ACBD5: variants seen among roughly 807,000 people sequenced by gnomAD.
The protein encoded by ACBD5 is acyl-CoA binding domain containing 5, also known as acyl-CoA-binding domain-containing protein 5.
Under a neutral mutation model 71.8 loss-of-function variants are expected in ACBD5, and 40 were observed. That is an observed-to-expected ratio of 0.56 (90% confidence interval 0.43 to 0.72). The LOEUF is 0.72. ACBD5 is among the 30% of genes least tolerant of loss of function. The pLI is 0.00. For missense variants in ACBD5, 559 were observed against 644.5 expected (o/e 0.87, Z 1.44); for synonymous variants, 229 against 218.6 (o/e 1.05, Z -0.42).
At chr10:27,204,300 G>A (rs1386822147) in intron 12 of ACBD5, 140 bp downstream of exon 12, 2 of 677,368 alleles carry the variant, frequency 3.0e-6, no homozygotes, top group African/African-American at 1.8e-5. Flanking sequence ...GGCAGTTTCA[G>A]TCTCAGGATA....
rs754671748 is a variant in ACBD5 at position 27,195,927 on chromosome 10, G to A, written c.*1503C>T. The A allele has an allele frequency of 4.4e-6, 2 of 452,634 alleles. No homozygotes were observed. Among genetic ancestry groups the A allele is most frequent in the South Asian group, 3.1e-5 (2 of 64,086 alleles). 28.0% of individuals were successfully genotyped at this position (452,634 alleles called of 1,614,324 possible). On this transcript the variant is annotated 3_prime_UTR_variant, in exon 13 of 13. Transcript: ENST00000396271. Reference sequence around the variant, plus strand: ...TTAAAAATTATTTGCTACAGGCCAGGTGCAGTGGCTCACGCCTCTAATCCC... The same window carrying A: ...TTAAAAATTATTTGCTACAGGCCAGATGCAGTGGCTCACGCCTCTAATCCC...
rs1385830415 is a variant in ACBD5, at chr10:27,208,363, G to C, written c.1287C>G (p.Asp429Glu). ...CATTGAGGCTGCCTCGGGACCCTCT[G>C]TCGGAGCCCCAGCGCTCCCCATCAC... The part of the protein sequence containing the change: ...SGGDGERWGS[D>E]RGSRGSLNEQ... The change falls in exon 10 of 13, where the codon GAC becomes GAG. Residue 429 changes from aspartate to glutamate, a missense_variant. Physicochemically the swap from Asp to Glu is conservative, Grantham distance 45. Coordinates refer to ENST00000396271, the MANE Select transcript of ACBD5 (RefSeq NM_145698.5). 3.7e-6 allele frequency: 6 copies of C among 1,614,074 alleles called. No homozygotes were observed. Among genetic ancestry groups the C allele is most frequent in the Non-Finnish European group, 5.1e-6 (6 of 1,180,034 alleles).
rs1219958398 is a variant in ACBD5 at position 27,196,703 on chromosome 10, T to A, written c.*727A>T. On this transcript the variant is annotated 3_prime_UTR_variant, in exon 13 of 13. Transcript: ENST00000396271. The stretch of plus-strand genomic sequence containing the variant: ...TATGATTGAATAAAAACCTGATTAA[T>A]CATCTACAGGCTCAGAATACACTTT... The A allele has an allele frequency of 2.2e-6, 1 of 454,530 alleles. No individual in the cohort carries two copies. The highest frequency in any genetic ancestry group is 6.9e-5 in the East Asian group (1 of 14,400). The allele number at this position is 454,530 out of a possible 1,614,324, so 28.2% of individuals were successfully genotyped here. A position where few individuals can be genotyped will look rare whatever the true frequency, so the allele number is the denominator to read the frequency against.
rs1351699591 is a variant in ACBD5 at position 27,240,304 on chromosome 10, G to A, written c.181+15C>T. 6.8e-6 allele frequency: 11 copies of A among 1,613,888 alleles called. No individual in the cohort carries two copies. Among genetic ancestry groups the A allele is most frequent in the East Asian group, 2.2e-5 (1 of 44,872 alleles). ...TCTGCAGGAGGCGTCTACAGCCGGGGCCCAGCGCACGTACCATTCTTCGGC... is the reference window on the plus strand; with the variant it reads ...TCTGCAGGAGGCGTCTACAGCCGGGACCCAGCGCACGTACCATTCTTCGGC... On this transcript the variant is annotated intron_variant, in intron 2 of 12. Transcript: ENST00000396271. This position sits in a 1 kb window ranked among gnomAD's most constrained non-coding sequence, Gnocchi z 4.1.
At chr10:27,207,133 G>A (rs959860977) in intron 10 of ACBD5, among the ~76,000 whole-genome samples, 4 of 151,790 alleles carry the variant, frequency 2.6e-5, no homozygotes, top group Non-Finnish European at 4.4e-5. Flanking sequence ...AAAATTAGCT[G>A]GGCATGGTGG....
Position 27,196,058 on chromosome 10 carries a change from C to T in ACBD5, c.*1372G>A, listed in dbSNP as rs924705251. 2.6e-5 allele frequency: 11 copies of T among 417,620 alleles called. No individual in the cohort carries two copies. Among genetic ancestry groups the T allele is most frequent in the African/African-American group, 2.3e-4 (11 of 48,068 alleles). The allele number at this position is 417,620 out of a possible 1,614,324, so 25.9% of individuals were successfully genotyped here. Reference sequence around the variant, plus strand: ...TCTCTACTAAAAATACAAAATTAGCCAGGCATGGTGGTGCATGCCTGTAAT... The same window carrying T: ...TCTCTACTAAAAATACAAAATTAGCTAGGCATGGTGGTGCATGCCTGTAAT... On this transcript the variant is annotated 3_prime_UTR_variant, in exon 13 of 13. Transcript: ENST00000396271.
chr10:27,187,177 G>A (rs1745915390), intron 13 of ACBD5, among the ~76,000 whole-genome samples: 1 of 152,144 alleles, frequency 6.6e-6, no homozygotes, highest in African/African-American at 2.4e-5. Context: ...GTGGGCGCCT[G>A]TAGTCCCAGC....
At chr10:27,241,138 C>T (rs2065453883), upstream of ACBD5, among the ~76,000 whole-genome samples, 1 of 152,216 alleles carries the variant, frequency 6.6e-6, no homozygotes, top group Non-Finnish European at 1.5e-5. Context: ...GCGACGGCAC[C>T]GCTGGGCAAC....
At chr10:27,224,756 C>G (rs550276966) in intron 4 of ACBD5, among the ~76,000 whole-genome samples, 2 of 152,250 alleles carry the variant, frequency 1.3e-5, no homozygotes, top group African/African-American at 4.8e-5. Flanking sequence ...AGGGGCCGGG[C>G]GTGGTGGCTC....
rs141375056 is a variant in ACBD5, at chr10:27,229,963, G to A, written c.375+1785C>T. 2.8e-3 allele frequency among the ~76,000 whole-genome samples: 421 copies of A among 152,100 alleles called. 7 individuals are homozygous for A. The highest frequency in any genetic ancestry group is 0.018 in the Admixed American group (270 of 15,254). ...AAGGCAGAATACACATTGCCTCATC[G>A]TCCTCCAACTTTAAAATGTGGCTAT... On this transcript the variant is annotated intron_variant, in intron 4 of 12. Transcript: ENST00000396271.
At chr10:27,240,958 C>G (rs1180977454), upstream of ACBD5, 3 of 590,312 alleles carry the variant, frequency 5.1e-6, no homozygotes, top group Admixed American at 9.0e-5. The surrounding 1 kb of genome is among the most constrained non-coding windows in gnomAD (Gnocchi z 4.1). Flanking sequence ...GTCCGGGAAG[C>G]GGGGAAAGGG....
downstream of ACBD5, among the ~76,000 whole-genome samples, chr10:27,191,930 A>G (rs1347978478): frequency 6.6e-6 from 1 of 152,076 alleles, no homozygotes; most frequent in African/African-American, 2.4e-5. Context: ...TAACCTAACA[A>G]CGCATCTTAA....
chr10:27,190,891 C>T (rs1424791021), downstream of ACBD5, among the ~76,000 whole-genome samples: 1 of 152,172 alleles, frequency 6.6e-6, no homozygotes, highest in Non-Finnish European at 1.5e-5. Context: ...TGACACCTAA[C>T]TTCTGGCTTG....
intron 12 of ACBD5, among the ~76,000 whole-genome samples, chr10:27,200,262 C>T (rs986980788): frequency 4.6e-5 from 7 of 152,106 alleles, no homozygotes; most frequent in African/African-American, 1.7e-4. Flanking sequence ...TGAGAGTGAC[C>T]TCTGGTCGTC....
intron 4 of ACBD5, among the ~76,000 whole-genome samples, chr10:27,223,772 C>T (rs926140125): frequency 6.6e-6 from 1 of 151,774 alleles, no homozygotes; most frequent in South Asian, 2.1e-4. Context: ...TAACCAGGCA[C>T]GGTGGTGTGT....
chr10:27,216,098 T>G (rs1338256132), intron 7 of ACBD5, among the ~76,000 whole-genome samples: 1 of 151,958 alleles, frequency 6.6e-6, no homozygotes, highest in Non-Finnish European at 1.5e-5. Context: ...GGTCTCAAAC[T>G]CCTGAGCTCA....
At chr10:27,223,692 G>C (rs2062650036) in intron 4 of ACBD5, among the ~76,000 whole-genome samples, 1 of 152,140 alleles carries the variant, frequency 6.6e-6, no homozygotes, top group Non-Finnish European at 1.5e-5. Flanking sequence ...GATGGCTTGA[G>C]CCCAGAAGTT....
At chr10:27,233,198 G>A (rs373258364) in intron 3 of ACBD5, among the ~76,000 whole-genome samples, 1 of 152,098 alleles carries the variant, frequency 6.6e-6, no homozygotes, top group South Asian at 2.1e-4. Context: ...AGGCCATGGC[G>A]GGCGGATCAC....
At position 27,240,268 on chromosome 10, in the gene ACBD5, C is replaced by T. The variant is rs1158866686; in HGVS notation, c.181+51G>A. The T allele has an allele frequency of 6.2e-7, 1 of 1,613,762 alleles. No individual in the cohort carries two copies. The highest frequency in any genetic ancestry group is 1.7e-5 in the Admixed American group (1 of 60,014). ...ACTAGAACCAGAAAGTGAAAGGGGG[C>T]TTTGGGGCTCTCTGCAGGAGGCGTC... is the stretch of plus-strand genomic sequence containing the variant. On this transcript the variant is annotated intron_variant, in intron 2 of 12. Coordinates refer to ENST00000396271, the MANE Select transcript of ACBD5 (RefSeq NM_145698.5). The surrounding 1 kb of genome is among the most constrained non-coding windows in gnomAD (Gnocchi z 4.1).
Sources: allele counts gnomAD v4.1 joint callset (sites outside exome capture counted in the v4.1 genomes callset), GRCh38; gene constraint gnomAD v4.1.1; non-coding constraint Gnocchi (gnomAD v3.1); transcripts MANE v1.5; gene names NCBI Gene and HGNC (gene_info 2026-07-23, HGNC 2026-07-21).